RRN3: variants seen among roughly 807,000 people sequenced by gnomAD.
RRN3 encodes RNA polymerase I transcription factor RRN3.
Under a neutral mutation model 82.3 loss-of-function variants are expected in RRN3, and 38 were observed. The ratio of observed to expected loss-of-function variants is 0.46; its 90% CI spans 0.36 to 0.61. The LOEUF (loss-of-function observed/expected upper bound fraction) is 0.61, where lower values mean the gene tolerates loss of function less well. RRN3 is among the 20% of genes least tolerant of loss of function. The pLI is 0.00. For synonymous variants in RRN3, 284 were observed against 284.3 expected (o/e 1.00, Z 0.01); for missense variants, 726 against 793.1 (o/e 0.92, Z 1.02).
At chr16:15,085,004 T>C (rs1235006075) in intron 6 of RRN3, among the ~76,000 whole-genome samples, 7 of 150,454 alleles carry the variant, frequency 4.7e-5, no homozygotes, top group African/African-American at 1.7e-4. Context: ...AGGTGAAGGC[T>C]GCAGCGAACC....
Position 15,074,829 on chromosome 16 carries a change from C to G in RRN3, c.891G>C (p.Lys297Asn). Residue 297 changes from lysine to asparagine, a missense_variant, in exon 11 of 18, where the codon AAG becomes AAC. Transcript: ENST00000198767. ...TCTGGTCGAGCCGTTCAGGACCAGC[C>G]TTTGTTTCATGTTCAGTTTCTTCAT... ...DEDEETEHET[K>N]AGPERLDQMV... The G allele has an allele frequency of 6.2e-7, 1 of 1,613,050 alleles. No individual in the cohort carries two copies. The highest frequency in any genetic ancestry group is 8.5e-7 in the Non-Finnish European group (1 of 1,179,552).
rs527370780 is a variant in RRN3, at chr16:15,092,509, C to G, written c.195G>C (p.Lys65Asn). The change falls in exon 2 of 18, where the codon AAG becomes AAC. Residue 65 changes from lysine to asparagine, a missense_variant and splice_region_variant. By Grantham distance (94) the Lys-to-Asn change is moderately conservative (BLOSUM62 0). Coordinates refer to ENST00000198767, the MANE Select transcript of RRN3 (RefSeq NM_018427.5). ...AACCTCACACATTATCTCCCCTTAC[C>G]TTTTTGTACTTCAGCAAGACTTCTG... ...TVTEVLLKYK[K>N]GETNDFELLK... is the part of the protein sequence containing the mutation. 6.2e-7 allele frequency: 1 copy of G among 1,603,106 alleles called. No homozygotes were observed. Among genetic ancestry groups the G allele is most frequent in the Non-Finnish European group, 8.5e-7 (1 of 1,170,070 alleles).
At chr16:15,091,081 C>T (rs2046113938) in intron 3 of RRN3, among the ~76,000 whole-genome samples, 1 of 152,066 alleles carries the variant, frequency 6.6e-6, no homozygotes. Flanking sequence ...CTCTGTCATT[C>T]ACCCACTAGA....
At chr16:15,064,363 C>T (rs1011795097) in intron 16 of RRN3, among the ~76,000 whole-genome samples, 1 of 152,114 alleles carries the variant, frequency 6.6e-6, no homozygotes, top group Non-Finnish European at 1.5e-5. Flanking sequence ...TTAGTAAAGA[C>T]AGCGTTTCAC....
In RRN3 at chr16:15,080,115, G is replaced by A; in HGVS notation, c.667-19C>T. 1 of 1,585,880 alleles carries A rather than the reference G, an allele frequency of 6.3e-7. No homozygotes were observed. The highest frequency in any genetic ancestry group is 8.6e-7 in the Non-Finnish European group (1 of 1,167,416). On this transcript the variant is annotated intron_variant, in intron 8 of 17. Transcript: ENST00000198767. ...AACATTCCTAAAGGAGAAAATGTAA[G>A]ATAAAACATTTCAACAGAGAATAAA... is the stretch of plus-strand genomic sequence containing the variant.
intron 3 of RRN3, among the ~76,000 whole-genome samples, chr16:15,089,503 C>T (rs938874169): frequency 3.9e-5 from 6 of 151,952 alleles, no homozygotes; most frequent in African/African-American, 1.4e-4. Flanking sequence ...GAAATACTAG[C>T]GATTAAAGGA....
At chr16:15,094,316 G>T (rs1422470572), upstream of RRN3, 125 of 1,262,316 alleles carry the variant, frequency 9.9e-5, 1 homozygote, top group Admixed American at 3.6e-4. Context: ...GAAGTTGCGC[G>T]TGCCAGCGCA....
Position 15,071,203 on chromosome 16 carries a change from G to A in RRN3, c.1177C>T (p.Pro393Ser). The A allele has an allele frequency of 6.2e-7, 1 of 1,610,900 alleles. No homozygotes were observed. Among genetic ancestry groups the A allele is most frequent in the Non-Finnish European group, 8.5e-7 (1 of 1,179,456 alleles). Reference protein sequence around the residue: ...LEHLWKKLQDPSNPAIIRQAA... With the variant: ...LEHLWKKLQDSSNPAIIRQAA... Reference sequence around the variant, plus strand: ...TGCCTGATGATGGCAGGATTACTTGGGTCCTGCAATTTTTTCCAGAGATGT... The same window carrying A: ...TGCCTGATGATGGCAGGATTACTTGAGTCCTGCAATTTTTTCCAGAGATGT... Residue 393 changes from proline (P) to serine (S), a missense_variant, in exon 13 of 18, where the codon CCA becomes TCA. Physicochemically the swap from Pro to Ser is moderately conservative, Grantham distance 74. Around this residue, in one of 4 missense-constraint regions of RRN3, gnomAD observed 344 missense variants for 394.5 expected, o/e 0.87. Transcript: ENST00000198767.
chr16:15,089,713 T>C (rs1349884442), intron 3 of RRN3, among the ~76,000 whole-genome samples: 2 of 137,094 alleles, frequency 1.5e-5, no homozygotes. Flanking sequence ...GGCAGGAGAA[T>C]CGCTTGAACC....
At chr16:15,071,822 A>G in intron 12 of RRN3, among the ~76,000 whole-genome samples, 1 of 152,148 alleles carries the variant, frequency 6.6e-6, no homozygotes, top group East Asian at 1.9e-4. Context: ...GTACAAATTC[A>G]ATAGGTTTGT....
intron 10 of RRN3, among the ~76,000 whole-genome samples, chr16:15,075,732 T>C (rs1266411507): frequency 6.6e-6 from 1 of 152,154 alleles, no homozygotes; most frequent in Non-Finnish European, 1.5e-5. Context: ...CAATGAGACC[T>C]ATCCATGCAA....
At chr16:15,065,472 T>C (rs1175909456) in intron 15 of RRN3, 101 bp from the exon 16 acceptor site, 16 of 928,198 alleles carry the variant, frequency 1.7e-5, no homozygotes, top group East Asian at 1.2e-4. Flanking sequence ...CACAGAGAAA[T>C]TGCTGAATAT....
At chr16:15,092,169 A>C (rs2046158721) in intron 2 of RRN3, among the ~76,000 whole-genome samples, 1 of 152,082 alleles carries the variant, frequency 6.6e-6, no homozygotes, top group Non-Finnish European at 1.5e-5. Context: ...ACAGAGGAAG[A>C]CTCCAGCACA....
At chr16:15,064,157 T>A (rs117733745) in intron 16 of RRN3, among the ~76,000 whole-genome samples, 2,767 of 152,128 alleles carry the variant, frequency 0.018, 42 homozygotes, top group Non-Finnish European at 0.024. Flanking sequence ...CTCATCTAGA[T>A]AAATCGCTTT....
At chr16:15,083,304 C>A (rs1209578531) in intron 8 of RRN3, among the ~76,000 whole-genome samples, 1 of 152,040 alleles carries the variant, frequency 6.6e-6, no homozygotes, top group East Asian at 1.9e-4. Flanking sequence ...GAGGCTGAGG[C>A]AGGAGAATCG....
At chr16:15,070,704 G>A (rs1356453447) in intron 13 of RRN3, among the ~76,000 whole-genome samples, 1 of 151,944 alleles carries the variant, frequency 6.6e-6, no homozygotes, top group African/African-American at 2.4e-5. Context: ...CTTGTCCAAA[G>A]GTATCTTTAT....
chr16:15,081,396 T>G (rs1460647931), intron 8 of RRN3, among the ~76,000 whole-genome samples: 1 of 152,204 alleles, frequency 6.6e-6, no homozygotes, highest in Admixed American at 6.5e-5. Context: ...TACTGTCTTC[T>G]CGTTCTGATT....
At chr16:15,064,737 T>A (rs2032642338) in intron 16 of RRN3, among the ~76,000 whole-genome samples, 1 of 152,232 alleles carries the variant, frequency 6.6e-6, no homozygotes, top group Non-Finnish European at 1.5e-5. Context: ...CAAGTCCTGC[T>A]AGGCATCCTC....
At chr16:15,077,916 T>C (rs936434707) in intron 9 of RRN3, among the ~76,000 whole-genome samples, 10 of 152,194 alleles carry the variant, frequency 6.6e-5, no homozygotes, top group African/African-American at 2.4e-4. Flanking sequence ...AATGGACTAA[T>C]ACAATCTCTA....
Sources: gnomAD v4.1 joint callset for allele counts (sites outside exome capture counted in the v4.1 genomes callset) on GRCh38, gnomAD v4.1.1 for gene constraint, gnomAD v4.1.1 regional missense constraint, MANE v1.5 for transcripts, NCBI Gene and HGNC (gene_info 2026-07-23, HGNC 2026-07-21) for gene names.